Variants in CNTN1 observed in about 807,000 individuals in gnomAD.
CNTN1 encodes contactin 1, also known as contactin-1.
In CNTN1, 38 loss-of-function variants were observed where a neutral mutation model predicts 126.4. The ratio of observed to expected loss-of-function variants is 0.30; its 90% CI spans 0.23 to 0.39. The LOEUF is 0.39. Among genes scored for constraint, CNTN1 ranks in the 10% least tolerant of loss-of-function variants. The pLI is 1.00. For missense variants in CNTN1, 1,009 were observed against 1,248.4 expected (o/e 0.81, Z 2.89); for synonymous variants, 413 against 422.6 (o/e 0.98, Z 0.28).
At chr12:40,923,095 A>G (rs1945510091) in intron 5 of CNTN1, among the ~76,000 whole-genome samples, 1 of 152,056 alleles carries the variant, frequency 6.6e-6, no homozygotes, top group African/African-American at 2.4e-5. Flanking sequence ...ATTGCAACAT[A>G]ATGTCTGTGA....
intron 1 of CNTN1, among the ~76,000 whole-genome samples, chr12:40,808,508 T>C (rs1244600722): frequency 1.3e-5 from 2 of 152,164 alleles, no homozygotes; most frequent in Non-Finnish European, 2.9e-5. Flanking sequence ...ATAATCTCTA[T>C]AGCATTAATA....
intron 1 of CNTN1, among the ~76,000 whole-genome samples, chr12:40,770,078 T>A (rs996309273): frequency 6.6e-6 from 1 of 152,188 alleles, no homozygotes; most frequent in East Asian, 1.9e-4. Context: ...CTATTGAGAT[T>A]GGAGGAGCTC....
At chr12:40,922,477 T>A in intron 5 of CNTN1, 49 bp downstream of exon 5, 1 of 1,554,292 alleles carries the variant, frequency 6.4e-7, no homozygotes, top group Non-Finnish European at 8.9e-7. Context: ...TTAGGTGAGT[T>A]CAGCAAGAAG....
intron 5 of CNTN1, among the ~76,000 whole-genome samples, chr12:40,922,969 TAA>T (rs35911311): frequency 1.9e-4 from 19 of 101,580 alleles, no homozygotes; most frequent in African/African-American, 2.8e-4. Flanking sequence ...GACTCTGCCT[TAA>T]AAAAAAAAAA....
At chr12:40,712,471 T>A (rs764898116) in intron 1 of CNTN1, among the ~76,000 whole-genome samples, 1 of 152,092 alleles carries the variant, frequency 6.6e-6, no homozygotes, top group Non-Finnish European at 1.5e-5. Flanking sequence ...TAATGCTTGG[T>A]TCTTATACTC....
At chr12:40,761,674 A>AT (rs1470364627) in intron 1 of CNTN1, among the ~76,000 whole-genome samples, 1 of 151,908 alleles carries the variant, frequency 6.6e-6, no homozygotes, top group African/African-American at 2.4e-5. Flanking sequence ...TAAATTTAAC[A>AT]TTTTTTTCTC....
intron 1 of CNTN1, among the ~76,000 whole-genome samples, chr12:40,776,818 G>A (rs1030839761): frequency 6.6e-6 from 1 of 151,626 alleles, no homozygotes; most frequent in Admixed American, 6.6e-5. Flanking sequence ...TCAAGTAGGC[G>A]ACACACTTAA....
At chr12:40,767,594 C>T (rs963260338) in intron 1 of CNTN1, among the ~76,000 whole-genome samples, 10 of 150,480 alleles carry the variant, frequency 6.6e-5, no homozygotes, top group Non-Finnish European at 1.5e-4. Flanking sequence ...AGGCATGAGC[C>T]ACGGCTCCTG....
chr12:40,808,481 A>G lies in CNTN1; in HGVS notation c.-76-99876A>G, dbSNP rs7138643. Among the ~76,000 whole-genome samples, 1,433 of 152,294 alleles carry G rather than the reference A, an allele frequency of 9.4e-3. 22 individuals are homozygous for G. Among genetic ancestry groups the G allele is most frequent in the African/African-American group, 0.033 (1,357 of 41,546 alleles). ...CTATTATACAGAATTTCCACCATAC[A>G]GATAAAATAGGTGTAAATAATCTCT... On this transcript the variant is annotated intron_variant, in intron 1 of 23. Transcript: ENST00000551295.
chr12:40,795,870 A>AT (rs1334802623), intron 1 of CNTN1, among the ~76,000 whole-genome samples: 1 of 152,044 alleles, frequency 6.6e-6, no homozygotes, highest in Non-Finnish European at 1.5e-5. Context: ...TGTTTTTTAA[A>AT]TTTTTTACTT....
chr12:40,813,207 G>C, intron 1 of CNTN1, among the ~76,000 whole-genome samples: 1 of 108,444 alleles, frequency 9.2e-6, no homozygotes, highest in Non-Finnish European at 1.9e-5. Flanking sequence ...AATAATTTCA[G>C]TTTTTTCTTA....
chr12:40,752,545 G>A (rs922739542), intron 1 of CNTN1, among the ~76,000 whole-genome samples: 11 of 152,010 alleles, frequency 7.2e-5, no homozygotes, highest in African/African-American at 1.9e-4. Flanking sequence ...TCTCCCCTTA[G>A]TGCTGATGTT....
At chr12:40,801,013 TTG>T (rs1491521442) in intron 1 of CNTN1, among the ~76,000 whole-genome samples, 8,774 of 150,042 alleles carry the variant, frequency 0.058, 390 homozygotes, top group Admixed American at 0.079. Flanking sequence ...AACTAGAGTT[TTG>T]TTTTTTTTTT....
intron 1 of CNTN1, among the ~76,000 whole-genome samples, chr12:40,727,881 T>G (rs1942399034): frequency 2.6e-5 from 4 of 152,218 alleles, no homozygotes; most frequent in Admixed American, 2.6e-4. Flanking sequence ...TTGAGTGGGA[T>G]GAGAGACTGA....
intron 17 of CNTN1, among the ~76,000 whole-genome samples, 163 bp downstream of exon 17, chr12:40,993,432 A>T (rs1474307965): frequency 6.6e-6 from 1 of 152,160 alleles, no homozygotes; most frequent in East Asian, 1.9e-4. Flanking sequence ...TCAAAAGAGG[A>T]AATATGAAGT....
chr12:40,872,257 T>TGTGA (rs1555171774), intron 1 of CNTN1, among the ~76,000 whole-genome samples: 5 of 146,666 alleles, frequency 3.4e-5, no homozygotes, highest in African/African-American at 1.3e-4. Context: ...TGTGTGTGTG[T>TGTGA]GTGTTTTCCC....
intron 23 of CNTN1, among the ~76,000 whole-genome samples, chr12:41,058,088 G>T (rs1283667505): frequency 1.3e-5 from 2 of 152,000 alleles, no homozygotes; most frequent in Non-Finnish European, 2.9e-5. Context: ...AAGTGGTCCT[G>T]TGACAAACGC....
chr12:40,778,583 T>C (rs182789057), intron 1 of CNTN1, among the ~76,000 whole-genome samples: 5 of 151,994 alleles, frequency 3.3e-5, no homozygotes, highest in Admixed American at 3.3e-4. Context: ...AGTCTCATTT[T>C]GCCTTTCAAA....
chr12:40,916,706 C>T (rs899935079), intron 3 of CNTN1, among the ~76,000 whole-genome samples: 24 of 152,030 alleles, frequency 1.6e-4, no homozygotes, highest in Non-Finnish European at 4.4e-5. Context: ...TCTGTGACTA[C>T]CTCATATTTG....
Sources: gnomAD v4.1 joint callset for allele counts (sites outside exome capture counted in the v4.1 genomes callset) on GRCh38, gnomAD v4.1.1 for gene constraint, MANE v1.5 for transcripts, NCBI Gene and HGNC (gene_info 2026-07-23, HGNC 2026-07-21) for gene names.